The following FUT8 variants were observed in gnomAD, a reference collection of about 807,000 sequenced individuals.
The protein encoded by FUT8 is alpha-(1,6)-fucosyltransferase.
Under a neutral mutation model 71.3 loss-of-function variants are expected in FUT8, and 29 were observed. The ratio of observed to expected loss-of-function variants is 0.41; its 90% CI spans 0.30 to 0.55. The LOEUF (loss-of-function observed/expected upper bound fraction) is 0.55, where lower values mean the gene tolerates loss of function less well. Ranked by LOEUF, FUT8 falls within the 20% of genes least tolerant of loss-of-function variation. The pLI is 0.34. For synonymous variants in FUT8, 254 were observed against 239.3 expected (o/e 1.06, Z -0.57); for missense variants, 544 against 702.1 (o/e 0.77, Z 2.55).
the FUT8 span, among the ~76,000 whole-genome samples, chr14:65,359,067 G>A: frequency 7.2e-4 from 110 of 151,884 alleles, no homozygotes; most frequent in African/African-American, 2.6e-3. Context: ...TTTTAGAACT[G>A]TTTTTTTTCC....
At chr14:65,542,843 C>T (rs191245232) in intron 2 of FUT8, among the ~76,000 whole-genome samples, 8 of 152,044 alleles carry the variant, frequency 5.3e-5, no homozygotes, top group East Asian at 1.9e-4. Context: ...AGTGCAATGG[C>T]GCGATATTGG....
the FUT8 span, among the ~76,000 whole-genome samples, chr14:65,385,730 C>T: frequency 4.6e-5 from 7 of 152,132 alleles, no homozygotes; most frequent in African/African-American, 1.7e-4. Context: ...TTTGTAGAGA[C>T]AGTGTCTTGC....
chr14:65,647,583 A>G (rs189725027), intron 6 of FUT8, among the ~76,000 whole-genome samples: 1 of 152,216 alleles, frequency 6.6e-6, no homozygotes, highest in East Asian at 1.9e-4. Flanking sequence ...CTGACATTTT[A>G]CAGTTGAAGT....
chr14:65,723,241 C>T (rs1895514531), intron 8 of FUT8, among the ~76,000 whole-genome samples: 1 of 151,346 alleles, frequency 6.6e-6, no homozygotes, highest in African/African-American at 2.4e-5. Context: ...GAGAGGATCA[C>T]TTGAGCCTGG....
the FUT8 span, among the ~76,000 whole-genome samples, chr14:65,360,132 G>A: frequency 6.6e-6 from 1 of 152,056 alleles, no homozygotes; most frequent in African/African-American, 2.4e-5. Context: ...CACCTGGCCA[G>A]GCACACTCAT....
At chr14:65,371,442 T>C in the FUT8 span, among the ~76,000 whole-genome samples, 1 of 152,258 alleles carries the variant, frequency 6.6e-6, no homozygotes, top group African/African-American at 2.4e-5. Flanking sequence ...GTCTCAATAA[T>C]GTCTTTATCC....
At chr14:65,737,710 T>A (rs1200209464) in intron 10 of FUT8, among the ~76,000 whole-genome samples, 1 of 152,124 alleles carries the variant, frequency 6.6e-6, no homozygotes, top group Non-Finnish European at 1.5e-5. Context: ...AGACATTGTT[T>A]AAAGAGCAGT....
chr14:65,468,192 T>A (rs1002055851), intron 2 of FUT8: 47 of 634,042 alleles, frequency 7.4e-5, no homozygotes, highest in Non-Finnish European at 1.4e-4. Context: ...CGCGGAGCAT[T>A]CCTTTTTGAA....
At chr14:65,636,284 G>T (rs1312951254) in intron 6 of FUT8, among the ~76,000 whole-genome samples, 5 of 150,816 alleles carry the variant, frequency 3.3e-5, no homozygotes, top group African/African-American at 1.2e-4. Context: ...TCTGTTCAAA[G>T]AACCTGCTTT....
At chr14:65,500,340 G>A (rs1014345493) in intron 2 of FUT8, among the ~76,000 whole-genome samples, 4 of 151,980 alleles carry the variant, frequency 2.6e-5, no homozygotes, top group Admixed American at 6.6e-5. Context: ...GGGCATCATC[G>A]TCGTCATCAT....
At chr14:65,365,882 G>A in the FUT8 span, among the ~76,000 whole-genome samples, 2 of 151,840 alleles carry the variant, frequency 1.3e-5, no homozygotes, top group Non-Finnish European at 2.9e-5. Context: ...CTGTCGCCCA[G>A]GCTATAGTGC....
chr14:65,618,694 A>G (rs1433825415), intron 5 of FUT8, among the ~76,000 whole-genome samples: 1 of 152,172 alleles, frequency 6.6e-6, no homozygotes, highest in African/African-American at 2.4e-5. Flanking sequence ...AAGAATTAAA[A>G]TCAAAACAAA....
chr14:65,413,806 A>G lies in FUT8; in HGVS notation c.-326+592A>G, dbSNP rs543543131. ...GACGAGCTGGCGGCTTTTGAGTATC[A>G]ACTTATTTGGGAAGGTTAAATGAGT... On this transcript the variant is annotated intron_variant, in intron 1 of 10. Coordinates refer to ENST00000673929, the MANE Select transcript of FUT8 (RefSeq NM_001371533.1). The surrounding 1 kb of genome is among the most constrained non-coding windows in gnomAD (Gnocchi z 4.1). 6.6e-6 allele frequency among the ~76,000 whole-genome samples: 1 copy of G among 152,226 alleles called. No homozygotes were observed. The highest frequency in any genetic ancestry group is 2.4e-5 in the African/African-American group (1 of 41,522).
At chr14:65,696,643 G>C (rs981249872) in intron 7 of FUT8, among the ~76,000 whole-genome samples, 1 of 151,830 alleles carries the variant, frequency 6.6e-6, no homozygotes, top group African/African-American at 2.4e-5. Flanking sequence ...AAATTCTCAG[G>C]CATTATTATT....
chr14:65,514,504 A>G (rs989993847), intron 2 of FUT8, among the ~76,000 whole-genome samples: 3 of 150,414 alleles, frequency 2.0e-5, no homozygotes, highest in Non-Finnish European at 3.0e-5. Flanking sequence ...TGTTCCTGCT[A>G]TGGCCATTTA....
intron 2 of FUT8, among the ~76,000 whole-genome samples, chr14:65,560,667 C>T (rs1157510627): frequency 1.3e-5 from 2 of 152,048 alleles, no homozygotes; most frequent in African/African-American, 4.8e-5. Context: ...TGGTGCTAGA[C>T]GTTTGTTGCA....
At position 65,467,908 on chromosome 14, in the gene FUT8, G is replaced by T. The variant is rs2066070044; in HGVS notation, c.-228+12190G>T. ...CTGGATGGAGCAGGCTGGTGCTTCA[G>T]TAGAACCCGGGTACCTTTCTCTTTG... is the stretch of plus-strand genomic sequence containing the variant. On this transcript the variant is annotated intron_variant, in intron 2 of 10. Transcript: ENST00000673929. The surrounding 1 kb of genome is among the most constrained non-coding windows in gnomAD (Gnocchi z 4.1). The T allele has an allele frequency of 6.6e-6, 5 of 754,048 alleles. No individual in the cohort carries two copies. In the Admixed American group the frequency reaches 8.6e-5, roughly 13 times the overall value. The allele number at this position is 754,048 out of a possible 1,614,324, so 46.7% of individuals were successfully genotyped here. A position where few individuals can be genotyped will look rare whatever the true frequency, so the allele number is the denominator to read the frequency against.
intron 1 of FUT8, among the ~76,000 whole-genome samples, chr14:65,419,021 G>C (rs1035103602): frequency 2.0e-5 from 3 of 152,176 alleles, no homozygotes; most frequent in Non-Finnish European, 2.9e-5. Context: ...CTGAGGTCAG[G>C]AGTTGGAGAC....
chr14:65,442,211 CTGTTG>C (rs2065669798), intron 1 of FUT8, among the ~76,000 whole-genome samples: 2 of 149,568 alleles, frequency 1.3e-5, no homozygotes, highest in Non-Finnish European at 3.0e-5. Context: ...GAGTCTTGCT[CTGTTG>C]CCAGGCTGGA....
Sources: gnomAD v4.1 joint callset for allele counts (sites outside exome capture counted in the v4.1 genomes callset) on GRCh38, gnomAD v4.1.1 for gene constraint, Gnocchi (gnomAD v3.1) non-coding constraint, MANE v1.5 for transcripts, NCBI Gene and HGNC (gene_info 2026-07-23, HGNC 2026-07-21) for gene names.